C3orf49: variants seen among roughly 807,000 people sequenced by gnomAD.
The protein encoded by C3orf49 is putative uncharacterized protein C3orf49.
A neutral mutation model predicts 13.3 loss-of-function variants in C3orf49; 27 were observed. The observed-to-expected ratio is 2.02, with a 90% CI of 1.49 to 2.79. C3orf49 has a LOEUF of 2.79. C3orf49 is among the 30% of genes most tolerant of loss of function. The pLI is 0.00. For synonymous variants in C3orf49, 87 were observed against 47.6 expected, an observed-to-expected ratio of 1.83 and a Z score of -3.40; for missense variants, 242 against 134.2, an observed-to-expected ratio of 1.80 and a Z score of -3.97.
chr3:63,784,501 TA>T, the C3orf49 span, among the ~76,000 whole-genome samples: 5 of 151,942 alleles, frequency 3.3e-5, no homozygotes, highest in East Asian at 3.9e-4. Context: ...CAATTTCTAC[TA>T]AAAAAATATA....
At chr3:63,789,038 G>T in the C3orf49 span, among the ~76,000 whole-genome samples, 1 of 152,100 alleles carries the variant, frequency 6.6e-6, no homozygotes, top group East Asian at 1.9e-4. Context: ...CAACCCCCAG[G>T]CCACAGACCA....
intron 6 of C3orf49, 107 bp downstream of exon 6, chr3:63,845,189 G>A: frequency 2.0e-6 from 1 of 489,160 alleles, no homozygotes; most frequent in Non-Finnish European, 3.7e-6. Flanking sequence ...AAGTATTTAA[G>A]CTCGCTGATA....
chr3:63,822,348 C>A (rs1438374158), intron 1 of C3orf49, among the ~76,000 whole-genome samples: 2 of 152,094 alleles, frequency 1.3e-5, no homozygotes, highest in African/African-American at 2.4e-5. Context: ...TTAAAAAACA[C>A]CGAAATTTCA....
chr3:63,809,583 C>G, the C3orf49 span, among the ~76,000 whole-genome samples: 1 of 152,242 alleles, frequency 6.6e-6, no homozygotes, highest in South Asian at 2.1e-4. Context: ...GGCCAAACTC[C>G]CACAACTGCC....
the C3orf49 span, among the ~76,000 whole-genome samples, chr3:63,811,103 C>T: frequency 6.6e-6 from 1 of 152,160 alleles, no homozygotes; most frequent in African/African-American, 2.4e-5. Context: ...CTGCCTTAGC[C>T]TCCCAAAGTG....
chr3:63,835,107 T>C lies in C3orf49; in HGVS notation c.849+3263T>C, dbSNP rs1436592577. The stretch of plus-strand genomic sequence containing the variant: ...TTTCAAAAGGTACATCCCTGGGTCA[T>C]TTAAAAAATCTTCATAAGCATTTAC... On this transcript the variant is annotated intron_variant, in intron 5 of 6. Coordinates refer to ENST00000295896, the MANE Select transcript of C3orf49 (RefSeq NM_001355236.2). 3.8e-6 allele frequency: 6 copies of C among 1,584,772 alleles called. No individual in the cohort carries two copies. In the East Asian group the frequency reaches 1.1e-4, roughly 30 times the overall value.
At chr3:63,841,633 G>A (rs938029827) in intron 5 of C3orf49, among the ~76,000 whole-genome samples, 1 of 152,136 alleles carries the variant, frequency 6.6e-6, no homozygotes, top group Non-Finnish European at 1.5e-5. Flanking sequence ...TCATGGCTTT[G>A]ACAGACTGCT....
At position 63,819,396 on chromosome 3, in the gene C3orf49, A is replaced by G. The variant is rs965830644; in HGVS notation, c.-76A>G. The G allele has an allele frequency of 4.5e-6, 3 of 673,126 alleles. No individual in the cohort carries two copies. Among genetic ancestry groups the G allele is most frequent in the African/African-American group, 3.6e-5 (2 of 55,890 alleles). 41.7% of individuals were successfully genotyped at this position (673,126 alleles called of 1,614,324 possible). A position where few individuals can be genotyped will look rare whatever the true frequency, so the allele number is the denominator to read the frequency against. On this transcript the variant is annotated 5_prime_UTR_variant, in exon 1 of 7. It removes an upstream start codon present in the reference 5' UTR. Coordinates refer to ENST00000295896, the MANE Select transcript of C3orf49 (RefSeq NM_001355236.2). ...CCTTGACAGTACATTCAGTCACTGG[A>G]TGATTTTGTATTGAAGTCTGTAAGT... is the stretch of plus-strand genomic sequence containing the variant.
chr3:63,838,427 T>TGAATCTC, intron 5 of C3orf49: 1 of 1,604,184 alleles, frequency 6.2e-7, no homozygotes, highest in East Asian at 2.2e-5. Context: ...TCATATCATA[T>TGAATCTC]ACTAGTAAAG....
chr3:63,789,422 A>G, the C3orf49 span, among the ~76,000 whole-genome samples: 6 of 152,190 alleles, frequency 3.9e-5, no homozygotes, highest in African/African-American at 1.4e-4. Flanking sequence ...ATAAATACAC[A>G]TATAATCCTA....
chr3:63,840,245 G>T (rs1213603866), intron 5 of C3orf49, among the ~76,000 whole-genome samples: 10 of 152,024 alleles, frequency 6.6e-5, no homozygotes, highest in Non-Finnish European at 1.3e-4. Context: ...AAAAGGAATA[G>T]ACAGGAAATA....
chr3:63,848,091 G>A (rs1383351872), intron 6 of C3orf49, among the ~76,000 whole-genome samples: 1 of 152,086 alleles, frequency 6.6e-6, no homozygotes, highest in East Asian at 1.9e-4. Context: ...ATAAATTGAA[G>A]TATTTTACTC....
At chr3:63,796,443 C>T in the C3orf49 span, among the ~76,000 whole-genome samples, 1 of 152,156 alleles carries the variant, frequency 6.6e-6, no homozygotes, top group Admixed American at 6.6e-5. Flanking sequence ...TTGCTGGCTA[C>T]ATCTCCAATG....
intron 5 of C3orf49, among the ~76,000 whole-genome samples, chr3:63,842,674 C>T (rs1417903988): frequency 1.3e-5 from 2 of 151,838 alleles, no homozygotes; most frequent in African/African-American, 4.8e-5. Context: ...TACAGAGTGA[C>T]ATAATGGACT....
chr3:63,813,821 C>G, the C3orf49 span, among the ~76,000 whole-genome samples: 2 of 152,196 alleles, frequency 1.3e-5, no homozygotes, highest in Non-Finnish European at 2.9e-5. Flanking sequence ...CCCCCAGTTG[C>G]TATTTCCCCA....
the C3orf49 span, among the ~76,000 whole-genome samples, chr3:63,813,181 A>G: frequency 6.6e-6 from 1 of 152,186 alleles, no homozygotes; most frequent in Admixed American, 6.5e-5. Flanking sequence ...TGGTAGACAT[A>G]TGGGTTGCCT....
At chr3:63,841,799 G>C (rs1701766653) in intron 5 of C3orf49, among the ~76,000 whole-genome samples, 1 of 152,156 alleles carries the variant, frequency 6.6e-6, no homozygotes. Flanking sequence ...AATACTAATA[G>C]AATTTTCTTA....
the C3orf49 span, among the ~76,000 whole-genome samples, chr3:63,798,622 T>C: frequency 2.0e-5 from 3 of 152,114 alleles, no homozygotes; most frequent in African/African-American, 7.2e-5. Flanking sequence ...TTAGAACTTG[T>C]TTTTCTGTGA....
chr3:63,803,434 C>T, the C3orf49 span, among the ~76,000 whole-genome samples: 5 of 152,176 alleles, frequency 3.3e-5, no homozygotes, highest in African/African-American at 1.2e-4. Flanking sequence ...TGTCCCTCTG[C>T]TAGCCAGTGT....
Sources: gnomAD v4.1 joint callset for allele counts (sites outside exome capture counted in the v4.1 genomes callset) on GRCh38, gnomAD v4.1.1 for gene constraint, MANE v1.5 for transcripts, NCBI Gene and HGNC (gene_info 2026-07-23, HGNC 2026-07-21) for gene names.